ALDH1A2: variants seen among roughly 807,000 people sequenced by gnomAD.
ALDH1A2 encodes the protein aldehyde dehydrogenase 1 family member A2, also known as retinal dehydrogenase 2.
ALDH1A2 carries 27 observed loss-of-function variants against 60.3 expected under a neutral mutation model. That is an observed-to-expected ratio of 0.45 (90% confidence interval 0.33 to 0.62). The LOEUF is 0.62. ALDH1A2 is among the 20% of genes least tolerant of loss of function. The pLI, the probability that ALDH1A2 is intolerant of heterozygous loss-of-function variation, is 0.02. For missense variants in ALDH1A2, 581 were observed against 643.8 expected (o/e 0.90, Z 1.06); for synonymous variants, 289 against 232.4 (o/e 1.24, Z -2.21).
intron 4 of ALDH1A2, among the ~76,000 whole-genome samples, chr15:57,999,484 T>C (rs1462462598): frequency 6.6e-6 from 1 of 151,770 alleles, no homozygotes; most frequent in South Asian, 2.1e-4. Flanking sequence ...TAAACCACAA[T>C]GAGAAACCAT....
At chr15:57,988,706 T>TTATACTTCA (rs1222475042) in intron 7 of ALDH1A2, among the ~76,000 whole-genome samples, 1 of 152,222 alleles carries the variant, frequency 6.6e-6, no homozygotes, top group Non-Finnish European at 1.5e-5. Context: ...TGTATGTAAA[T>TTATACTTCA]TATACTTCAG....
intron 4 of ALDH1A2, among the ~76,000 whole-genome samples, chr15:57,996,318 TCTTA>T (rs1187369094): frequency 6.6e-6 from 1 of 151,944 alleles, no homozygotes; most frequent in Non-Finnish European, 1.5e-5. Context: ...TCTCTCTCTC[TCTTA>T]CTCTCCCAGT....
At chr15:58,011,346 A>G (rs1382321144) in intron 3 of ALDH1A2, among the ~76,000 whole-genome samples, 4 of 152,234 alleles carry the variant, frequency 2.6e-5, no homozygotes, top group African/African-American at 9.6e-5. Flanking sequence ...AAACATTTAC[A>G]TTAACAACCA....
chr15:57,977,509 A>G (rs1894304381), intron 7 of ALDH1A2, among the ~76,000 whole-genome samples: 2 of 152,124 alleles, frequency 1.3e-5, no homozygotes, highest in African/African-American at 4.8e-5. Context: ...TTTGTCAAAG[A>G]TCAGATGGTT....
Position 58,065,685 on chromosome 15 carries a change from G to C in ALDH1A2, c.-35C>G. The C allele has an allele frequency of 1.4e-6, 2 of 1,440,706 alleles. No individual in the cohort carries two copies. The highest frequency in any genetic ancestry group is 2.4e-5 in the East Asian group (1 of 41,274). 89.2% of individuals were successfully genotyped at this position (1,440,706 alleles called of 1,614,324 possible). ...CCGGGTGTCCCTAGCCCGCGGCGTGGGGCAGTGCGGGCTGTGCGCGCGGTC... is the reference window on the plus strand; with the variant it reads ...CCGGGTGTCCCTAGCCCGCGGCGTGCGGCAGTGCGGGCTGTGCGCGCGGTC... On this transcript the variant is annotated 5_prime_UTR_variant, in exon 1 of 13. Transcript: ENST00000249750.
Position 57,964,002 on chromosome 15 carries a change from G to A in ALDH1A2, c.969C>T (p.Gly323=). Residue 323 remains glycine, a synonymous_variant, in exon 9 of 13, where the codon GGC becomes GGT. Coordinates refer to ENST00000249750, the MANE Select transcript of ALDH1A2 (RefSeq NM_003888.4). ...FFNQGQCCTA[G]SRIFVEESIY... ...TGGACTCCTCCACGAAGATGCGAGA[G>A]CCTGCAGTGCAGCACTGACCTTGAT... 6.2e-7 allele frequency: 1 copy of A among 1,614,186 alleles called. No individual in the cohort carries two copies. The highest frequency in any genetic ancestry group is 2.2e-5 in the East Asian group (1 of 44,872).
At chr15:58,058,109 C>CT in intron 1 of ALDH1A2, 1 of 1,520,812 alleles carries the variant, frequency 6.6e-7, no homozygotes, top group Non-Finnish European at 8.8e-7. Flanking sequence ...ATTTTCACAC[C>CT]TAGAGAAATA....
chr15:57,994,264 C>T (rs1894982548), intron 5 of ALDH1A2, among the ~76,000 whole-genome samples: 1 of 152,202 alleles, frequency 6.6e-6, no homozygotes, highest in African/African-American at 2.4e-5. Context: ...ATAAATTTCA[C>T]AGTAACCTGG....
Position 58,013,738 on chromosome 15 carries a change from C to G in ALDH1A2, c.363+120G>C, listed in dbSNP as rs1203853366. 5.9e-6 allele frequency: 8 copies of G among 1,354,350 alleles called. No homozygotes were observed. The Admixed American group carries it at 1.6e-4, about 27-fold the overall frequency. The allele number at this position is 1,354,350 out of a possible 1,614,324, so 83.9% of individuals were successfully genotyped here. A position where few individuals can be genotyped will look rare whatever the true frequency, so the allele number is the denominator to read the frequency against. On this transcript the variant is annotated intron_variant, in intron 3 of 12. Transcript: ENST00000249750. ...CTGCGCTCCAGCCTGGGCGACAGAG[C>G]TAGACTCCGTCTCAAAAAATAAAAT... is the stretch of plus-strand genomic sequence containing the variant.
At chr15:57,958,613 G>T (rs1893619449) in intron 12 of ALDH1A2, among the ~76,000 whole-genome samples, 1 of 152,178 alleles carries the variant, frequency 6.6e-6, no homozygotes, top group South Asian at 2.1e-4. Flanking sequence ...TAGACAGGGA[G>T]GTGTCAGGGA....
At chr15:58,022,532 G>A (rs1895957730) in intron 1 of ALDH1A2, among the ~76,000 whole-genome samples, 1 of 152,056 alleles carries the variant, frequency 6.6e-6, no homozygotes, top group Non-Finnish European at 1.5e-5. Context: ...CTACCTCCGG[G>A]GGGAAAGCCA....
intron 1 of ALDH1A2, among the ~76,000 whole-genome samples, chr15:58,021,984 G>C (rs1352467964): frequency 6.6e-6 from 1 of 152,200 alleles, no homozygotes; most frequent in African/African-American, 2.4e-5. Flanking sequence ...ACTGGGGCAT[G>C]AAAGAGGCAC....
At chr15:58,059,093 C>T (rs540418229) in intron 1 of ALDH1A2, among the ~76,000 whole-genome samples, 1 of 152,162 alleles carries the variant, frequency 6.6e-6, no homozygotes, top group African/African-American at 2.4e-5. Context: ...TTAAACATAA[C>T]TCAATCTTAA....
chr15:58,055,046 G>T, intron 1 of ALDH1A2, among the ~76,000 whole-genome samples: 1 of 151,996 alleles, frequency 6.6e-6, no homozygotes, highest in South Asian at 2.1e-4. Context: ...CTGGGCTTGG[G>T]GTTTCCTATG....
chr15:57,972,132 T>G (rs1894089329), intron 7 of ALDH1A2, among the ~76,000 whole-genome samples: 1 of 136,610 alleles, frequency 7.3e-6, no homozygotes, highest in Non-Finnish European at 1.7e-5. Flanking sequence ...TATTATTCTA[T>G]TTTATAATTG....
chr15:58,031,263 G>A (rs138476771), intron 1 of ALDH1A2, among the ~76,000 whole-genome samples: 2,154 of 152,248 alleles, frequency 0.014, 24 homozygotes, highest in African/African-American at 0.033. Flanking sequence ...AAGAAATGGT[G>A]AAAGGATTCC....
intron 1 of ALDH1A2, among the ~76,000 whole-genome samples, chr15:58,053,646 A>G (rs1199082990): frequency 6.6e-6 from 1 of 152,144 alleles, no homozygotes; most frequent in Non-Finnish European, 1.5e-5. Context: ...TGTTTTGTGT[A>G]CTTCTTTTCT....
intron 1 of ALDH1A2, among the ~76,000 whole-genome samples, chr15:58,059,334 G>A (rs1896967324): frequency 6.6e-6 from 1 of 152,100 alleles, no homozygotes; most frequent in African/African-American, 2.4e-5. Flanking sequence ...AGAAATGCTA[G>A]GAGGGCTTTC....
At chr15:58,019,770 A>G (rs4534777) in intron 1 of ALDH1A2, among the ~76,000 whole-genome samples, 152,358 of 152,360 alleles carry the variant, frequency 1, 76,178 homozygotes, top group Non-Finnish European at 1. Flanking sequence ...ACATTAACCA[A>G]AATGGAATGT....
Sources: allele counts gnomAD v4.1 joint callset (sites outside exome capture counted in the v4.1 genomes callset), GRCh38; gene constraint gnomAD v4.1.1; transcripts MANE v1.5; gene names NCBI Gene and HGNC (gene_info 2026-07-23, HGNC 2026-07-21).